The following ZFPM1 variants were observed in gnomAD, a reference collection of about 807,000 sequenced individuals.
The protein encoded by ZFPM1 is zinc finger protein, FOG family member 1.
A neutral mutation model predicts 46.3 loss-of-function variants in ZFPM1; 28 were observed. The ratio of observed to expected loss-of-function variants is 0.60; its 90% CI spans 0.45 to 0.83. ZFPM1 has a LOEUF of 0.83. ZFPM1 is among the 40% of genes least tolerant of loss of function. The pLI is 0.00. For synonymous variants in ZFPM1, 957 were observed against 675.9 expected, an observed-to-expected ratio of 1.42 and a Z score of -6.45; for missense variants, 1,878 against 1,432.4, an observed-to-expected ratio of 1.31 and a Z score of -5.02.
intron 2 of ZFPM1, 125 bp downstream of exon 2, chr16:88,486,168 A>G: frequency 9.9e-7 from 1 of 1,010,140 alleles, no homozygotes; most frequent in African/African-American, 1.6e-5. Flanking sequence ...AGTCCAGGAC[A>G]GGCGTCTTCC....
At chr16:88,458,921 G>T (rs932506100) in intron 1 of ZFPM1, among the ~76,000 whole-genome samples, 2 of 152,200 alleles carry the variant, frequency 1.3e-5, no homozygotes, top group Non-Finnish European at 2.9e-5. Context: ...CGCCACTCTG[G>T]ATGCGCTGTC....
At chr16:88,456,116 C>T (rs1272878570) in intron 1 of ZFPM1, among the ~76,000 whole-genome samples, 4 of 152,224 alleles carry the variant, frequency 2.6e-5, no homozygotes, top group African/African-American at 9.6e-5. Flanking sequence ...GCTGGTCTGT[C>T]TGGGGGAGTT....
intron 1 of ZFPM1, among the ~76,000 whole-genome samples, chr16:88,484,537 G>A (rs1470472045): frequency 1.3e-5 from 2 of 152,218 alleles, no homozygotes; most frequent in Admixed American, 1.3e-4. Context: ...CCTGGGGTCT[G>A]GGCTCAGGAG....
chr16:88,459,034 C>T lies in ZFPM1; in HGVS notation c.40+5356C>T, dbSNP rs115848956. ...GCCTTATGGACCAGGGGAGAGCCGG[C>T]GCCCGTCAGGGCTGAGCCCCTCGTT... On this transcript the variant is annotated intron_variant, in intron 1 of 9. Coordinates refer to ENST00000319555, the MANE Select transcript of ZFPM1 (RefSeq NM_153813.3). Among the ~76,000 whole-genome samples the T allele has an allele frequency of 7.8e-3, 1,185 of 152,360 alleles. 19 individuals are homozygous for T. Among genetic ancestry groups the T allele is most frequent in the African/African-American group, 0.028 (1,148 of 41,580 alleles).
chr16:88,484,628 C>T (rs1450486077), intron 1 of ZFPM1, among the ~76,000 whole-genome samples: 11 of 152,164 alleles, frequency 7.2e-5, no homozygotes, highest in Non-Finnish European at 1.6e-4. Context: ...GAAGGCTGGG[C>T]GGGTCAGGCC....
At chr16:88,465,501 C>G (rs1908093638) in intron 1 of ZFPM1, among the ~76,000 whole-genome samples, 1 of 152,258 alleles carries the variant, frequency 6.6e-6, no homozygotes, top group South Asian at 2.1e-4. Flanking sequence ...TCCTCACAGC[C>G]TTGACAGCAA....
At chr16:88,493,393 C>CGGGGTGCGGGG (rs1172518258) in intron 3 of ZFPM1, among the ~76,000 whole-genome samples, 1 of 142,584 alleles carries the variant, frequency 7.0e-6, no homozygotes, top group African/African-American at 2.7e-5. Context: ...AGAGCTGTCC[C>CGGGGTGCGGGG]AGGGTGCAGG....
intron 1 of ZFPM1, among the ~76,000 whole-genome samples, chr16:88,464,324 C>T (rs1908029043): frequency 6.6e-6 from 1 of 152,196 alleles, no homozygotes; most frequent in African/African-American, 2.4e-5. Flanking sequence ...TGATAGTTCC[C>T]GACTCCAGGC....
intron 4 of ZFPM1, among the ~76,000 whole-genome samples, chr16:88,518,097 C>T (rs1000014011): frequency 4.8e-4 from 73 of 151,700 alleles, no homozygotes; most frequent in Admixed American, 2.6e-4. Context: ...CCCAGCTACT[C>T]GGGAGGCTGA....
rs1913181510 is a variant in ZFPM1 at position 88,535,042 on chromosome 16, C to T, written c.*63C>T. 1 of 1,349,884 alleles carries T rather than the reference C, an allele frequency of 7.4e-7. No homozygotes were observed. Among genetic ancestry groups the T allele is most frequent in the East Asian group, 2.8e-5 (1 of 35,528 alleles). The allele number at this position is 1,349,884 out of a possible 1,614,324, so 83.6% of individuals were successfully genotyped here. Reference sequence around the variant, plus strand: ...GCTGCGATGCGGGGAGGGGGCCGCCCCCAGGCCGCACGGACTGCCGCTCCT... The same window carrying T: ...GCTGCGATGCGGGGAGGGGGCCGCCTCCAGGCCGCACGGACTGCCGCTCCT... On this transcript the variant is annotated 3_prime_UTR_variant, in exon 10 of 10. Coordinates refer to ENST00000319555, the MANE Select transcript of ZFPM1 (RefSeq NM_153813.3).
rs1908671671 is a variant in ZFPM1, at chr16:88,476,132, C to A, written c.41-9807C>A. Among the ~76,000 whole-genome samples the A allele has an allele frequency of 2.6e-5, 4 of 152,276 alleles. No individual in the cohort carries two copies. In the South Asian group the frequency reaches 8.3e-4, roughly 32 times the overall value. ...TAGCAGGGCACCTTGCCATGGGCAC[C>A]TTCGGCCAACCAGGTGGGACTCAGC... On this transcript the variant is annotated intron_variant, in intron 1 of 9. Transcript: ENST00000319555.
At chr16:88,489,868 G>A (rs537055160) in intron 3 of ZFPM1, among the ~76,000 whole-genome samples, 13 of 152,210 alleles carry the variant, frequency 8.5e-5, no homozygotes, top group South Asian at 2.1e-4. Flanking sequence ...CCAAGGAACC[G>A]CAGTAGCGTC....
Position 88,453,316 on chromosome 16 carries a change from C to T in ZFPM1, c.-323C>T, listed in dbSNP as rs1274482898. 4.8e-5 allele frequency: 7 copies of T among 146,816 alleles called. No homozygotes were observed. In the South Asian group the frequency reaches 8.3e-4, roughly 17 times the overall value. The allele number at this position is 146,816 out of a possible 1,614,324, so 9.1% of individuals were successfully genotyped here. ...AGCGCCCTCGCAGTGGCCGCCTGCT[C>T]CGCCGCTCGCCGCCCGCGGGTTCCA... is the stretch of plus-strand genomic sequence containing the variant. On this transcript the variant is annotated 5_prime_UTR_variant, in exon 1 of 10. Transcript: ENST00000319555.
At chr16:88,523,208 A>G (rs1412964802) in intron 4 of ZFPM1, among the ~76,000 whole-genome samples, 6 of 145,258 alleles carry the variant, frequency 4.1e-5, no homozygotes, top group Non-Finnish European at 6.1e-5. Context: ...CTTCATCTCA[A>G]AAAAAAAAAA....
At chr16:88,506,388 A>G (rs1294658081) in intron 3 of ZFPM1, among the ~76,000 whole-genome samples, 1 of 151,966 alleles carries the variant, frequency 6.6e-6, no homozygotes, top group Non-Finnish European at 1.5e-5. Flanking sequence ...GGGGGGCCTT[A>G]GGCAGGCCCC....
chr16:88,488,364 G>A (rs1387534876), intron 2 of ZFPM1, among the ~76,000 whole-genome samples: 1 of 152,260 alleles, frequency 6.6e-6, no homozygotes, highest in African/African-American at 2.4e-5. Flanking sequence ...CGTAGTGATA[G>A]CGTGGCGATG....
rs576587712 is a variant in ZFPM1, at chr16:88,514,195, C to G, written c.269-192C>G. On this transcript the variant is annotated intron_variant, in intron 3 of 9. Transcript: ENST00000319555. ...CATCCTCCTGGCTGCGTCCCTACAC[C>G]CCACAGTGCCCTAGAGATCTTGCTG... Among the ~76,000 whole-genome samples the G allele has an allele frequency of 8.5e-5, 13 of 152,338 alleles. No homozygotes were observed. The South Asian group carries it at 2.7e-3, about 32-fold the overall frequency.
chr16:88,505,552 G>C (rs1014663325), intron 3 of ZFPM1, among the ~76,000 whole-genome samples: 5 of 152,292 alleles, frequency 3.3e-5, no homozygotes, highest in African/African-American at 1.2e-4. Flanking sequence ...GCAGGGAGGA[G>C]GTGGGAGGGG....
intron 3 of ZFPM1, among the ~76,000 whole-genome samples, chr16:88,490,365 G>A (rs955797516): frequency 6.6e-6 from 1 of 152,252 alleles, no homozygotes; most frequent in African/African-American, 2.4e-5. Flanking sequence ...AGCATTTATT[G>A]AGTGCCTGCT....
Sources: gnomAD v4.1 joint callset for allele counts (sites outside exome capture counted in the v4.1 genomes callset) on GRCh38, gnomAD v4.1.1 for gene constraint, MANE v1.5 for transcripts, NCBI Gene and HGNC (gene_info 2026-07-23, HGNC 2026-07-21) for gene names.